The following ITGB8 variants were observed in gnomAD, a reference collection of about 807,000 sequenced individuals.
ITGB8 encodes the protein integrin beta-8.
Under a neutral mutation model 89.5 loss-of-function variants are expected in ITGB8, and 30 were observed. The observed-to-expected ratio is 0.34, with a 90% CI of 0.25 to 0.45. ITGB8 has a LOEUF of 0.45. Ranked by LOEUF, ITGB8 falls within the 20% of genes least tolerant of loss-of-function variation. The pLI, the probability that ITGB8 is intolerant of heterozygous loss-of-function variation, is 1.00. For synonymous variants in ITGB8, 335 were observed against 320.4 expected (o/e 1.05, Z -0.49); for missense variants, 836 against 933.3 (o/e 0.90, Z 1.36).
rs1785657379 is a variant in ITGB8, at chr7:20,365,452, T to A, written c.214-1560T>A. 3 of 152,314 alleles carry A rather than the reference T, an allele frequency of 2.0e-5. No homozygotes were observed. The South Asian group carries it at 6.2e-4, about 32-fold the overall frequency. 9.4% of individuals were successfully genotyped at this position (152,314 alleles called of 1,614,324 possible). ...GTTTCTAATGTTATAAACTTGCACA[T>A]ATTACCTAATCACTTTGAACCTCAG... On this transcript the variant is annotated intron_variant, in intron 2 of 13. Transcript: ENST00000222573.
At position 20,394,907 on chromosome 7, in the gene ITGB8, C is replaced by G; in HGVS notation, c.1068C>G (p.Pro356=). 1 of 1,612,294 alleles carries G rather than the reference C, an allele frequency of 6.2e-7. No individual in the cohort carries two copies. The highest frequency in any genetic ancestry group is 2.2e-5 in the East Asian group (1 of 44,852). The part of the protein sequence containing the change: ...KQFHWYKDLL[P]LLPGTIAGEI... ...GATATGTTTTATAGGATCTTCTACC[C>G]CTCTTGCCAGGCACCATTGCTGGTG... The change falls in exon 8 of 14, where the codon CCC becomes CCG. Residue 356 remains proline (P), a synonymous_variant. Coordinates refer to ENST00000222573, the MANE Select transcript of ITGB8 (RefSeq NM_002214.3).
intron 3 of ITGB8, chr7:20,377,446 T>C (rs977874804): frequency 6.6e-6 from 1 of 152,152 alleles, no homozygotes; most frequent in African/African-American, 2.4e-5. Flanking sequence ...AAGGTTCAAG[T>C]CCCTGAACAT....
At chr7:20,349,172 T>G (rs1164787386) in intron 1 of ITGB8, among the ~76,000 whole-genome samples, 1 of 152,154 alleles carries the variant, frequency 6.6e-6, no homozygotes, top group African/African-American at 2.4e-5. Flanking sequence ...AGTTCCTTTT[T>G]GTCTGAGTCT....
In ITGB8 at chr7:20,392,486, G is replaced by A. The variant is rs868814244; in HGVS notation, c.1056+988G>A. Among the ~76,000 whole-genome samples the A allele has an allele frequency of 4.6e-5, 7 of 152,032 alleles. No homozygotes were observed. The East Asian group carries it at 5.8e-4, about 13-fold the overall frequency. On this transcript the variant is annotated intron_variant, in intron 7 of 13. Transcript: ENST00000222573. ...CTTATCTGAAAGCACTACTTTAATC[G>A]TAACACTTCTTCCTTTAGAAATCTA...
chr7:20,406,254 C>A, intron 12 of ITGB8, 83 bp downstream of exon 12: 2 of 916,180 alleles, frequency 2.2e-6, no homozygotes, highest in Non-Finnish European at 3.5e-6. Flanking sequence ...ATTAACCATG[C>A]TAAAGAAAGG....
In ITGB8 at chr7:20,375,109, T is replaced by A. The variant is rs528537975; in HGVS notation, c.389-3942T>A. ...AAAACTAAACTACTAGATTCTTAACTCTTAAACCCTTCACTGGGTCAAAAG... is the reference window on the plus strand; with the variant it reads ...AAAACTAAACTACTAGATTCTTAACACTTAAACCCTTCACTGGGTCAAAAG... On this transcript the variant is annotated intron_variant, in intron 3 of 13. Transcript: ENST00000222573. Among the ~76,000 whole-genome samples, 6 of 152,258 alleles carry A rather than the reference T, an allele frequency of 3.9e-5. No homozygotes were observed. In the East Asian group the frequency reaches 1.2e-3, roughly 29 times the overall value.
In ITGB8 at chr7:20,398,178, T is replaced by C. The variant is rs374137004; in HGVS notation, c.1147-682T>C. Among the ~76,000 whole-genome samples the C allele has an allele frequency of 3.3e-5, 5 of 152,288 alleles. No homozygotes were observed. In the East Asian group the frequency reaches 9.6e-4, roughly 29 times the overall value. On this transcript the variant is annotated intron_variant, in intron 8 of 13. Coordinates refer to ENST00000222573, the MANE Select transcript of ITGB8 (RefSeq NM_002214.3). The stretch of plus-strand genomic sequence containing the variant: ...ATACATGGGTGAATAAATGAATGAA[T>C]GGTTTTCTGCCCAGTAAGAGGACCT...
intron 3 of ITGB8, among the ~76,000 whole-genome samples, chr7:20,371,849 T>A (rs2127952312): frequency 6.6e-6 from 1 of 152,356 alleles, no homozygotes; most frequent in East Asian, 1.9e-4. Context: ...TAATGTAGAT[T>A]GTTACATTAT....
chr7:20,405,482 T>G (rs1787501046), intron 11 of ITGB8, among the ~76,000 whole-genome samples: 1 of 150,678 alleles, frequency 6.6e-6, no homozygotes, highest in East Asian at 1.9e-4. Context: ...GGCTAATTTT[T>G]TTTTTTTTTG....
At position 20,363,676 on chromosome 7, in the gene ITGB8, C is replaced by T; in HGVS notation, c.167C>T (p.Ala56Val). 1 of 1,604,806 alleles carries T rather than the reference C, an allele frequency of 6.2e-7. No individual in the cohort carries two copies. Among genetic ancestry groups the T allele is most frequent in the Non-Finnish European group, 8.5e-7 (1 of 1,177,046 alleles). The change falls in exon 2 of 14, where the codon GCC (alanine) becomes GTC (valine). Residue 56 changes from alanine (A) to valine (V), a missense_variant. Ala to Val is a moderately conservative substitution (Grantham distance 64). Around this residue, in one of 5 missense-constraint regions of ITGB8, gnomAD observed 182 missense variants for 177.0 expected, o/e 1.03. Transcript: ENST00000222573. ...RCASSNAASC[A>V]RCLALGPECG... Reference sequence around the variant, plus strand: ...GCATCTTCAAATGCAGCATCCTGTGCCAGGTGCCTTGCGCTGGGTCCAGAA... The same window carrying T: ...GCATCTTCAAATGCAGCATCCTGTGTCAGGTGCCTTGCGCTGGGTCCAGAA...
At chr7:20,330,499 G>A (rs1784338272), upstream of ITGB8, among the ~76,000 whole-genome samples, 1 of 152,224 alleles carries the variant, frequency 6.6e-6, no homozygotes, top group Non-Finnish European at 1.5e-5. Flanking sequence ...TTCGGGGGAG[G>A]AGGGAGAAGG....
chr7:20,340,681 G>T (rs1447955827), intron 1 of ITGB8, among the ~76,000 whole-genome samples: 1 of 148,418 alleles, frequency 6.7e-6, no homozygotes, highest in African/African-American at 2.5e-5. Flanking sequence ...CCAGGTAAAG[G>T]CATTTTTTTT....
intron 1 of ITGB8, among the ~76,000 whole-genome samples, chr7:20,359,470 G>C (rs576915469): frequency 1.1e-3 from 174 of 152,342 alleles, no homozygotes; most frequent in Admixed American, 4.3e-3. Flanking sequence ...AGTGCTGAGG[G>C]CTGCTAGGGA....
rs1381545796 is a variant in ITGB8 at position 20,412,635 on chromosome 7, A to C, written c.*2638A>C. ...GGACAAACTTCCTTGTAGGCAACTCAGTGTTAGACGATGATTGTGGTTATG... is the reference window on the plus strand; with the variant it reads ...GGACAAACTTCCTTGTAGGCAACTCCGTGTTAGACGATGATTGTGGTTATG... On this transcript the variant is annotated 3_prime_UTR_variant, in exon 14 of 14. Coordinates refer to ENST00000222573, the MANE Select transcript of ITGB8 (RefSeq NM_002214.3). 1 of 152,604 alleles carries C rather than the reference A, an allele frequency of 6.6e-6. No homozygotes were observed. The highest frequency in any genetic ancestry group is 2.4e-5 in the African/African-American group (1 of 41,448). The allele number at this position is 152,604 out of a possible 1,614,324, so 9.5% of individuals were successfully genotyped here.
At chr7:20,332,568 A>G (rs2214440) in intron 1 of ITGB8, among the ~76,000 whole-genome samples, 39,810 of 152,074 alleles carry the variant, frequency 0.26, 6,033 homozygotes, top group Non-Finnish European at 0.34. Context: ...AAGAACTCTG[A>G]ACCAGGATTA....
intron 1 of ITGB8, among the ~76,000 whole-genome samples, chr7:20,348,471 T>G (rs1202508633): frequency 6.6e-6 from 1 of 152,244 alleles, no homozygotes; most frequent in African/African-American, 2.4e-5. Context: ...CTCTTGAATT[T>G]GTTATTTATT....
chr7:20,384,894 A>T (rs1209527893), intron 6 of ITGB8, among the ~76,000 whole-genome samples: 5 of 151,860 alleles, frequency 3.3e-5, no homozygotes, highest in Non-Finnish European at 7.4e-5. Context: ...AATAAATTAC[A>T]TTTTCCACTG....
chr7:20,385,521 G>A (rs1786573003), intron 6 of ITGB8, among the ~76,000 whole-genome samples: 1 of 152,136 alleles, frequency 6.6e-6, no homozygotes, highest in Admixed American at 6.5e-5. Flanking sequence ...CATTTGGATA[G>A]GCTAGCTGCT....
chr7:20,330,338 G>A (rs1019052767), upstream of ITGB8, among the ~76,000 whole-genome samples: 1 of 152,200 alleles, frequency 6.6e-6, no homozygotes, highest in African/African-American at 2.4e-5. Flanking sequence ...GAGGTCCCTT[G>A]ACTCCACTTT....
Sources: gnomAD v4.1 joint callset for allele counts (sites outside exome capture counted in the v4.1 genomes callset) on GRCh38, gnomAD v4.1.1 for gene constraint, gnomAD v4.1.1 regional missense constraint, MANE v1.5 for transcripts, NCBI Gene and HGNC (gene_info 2026-07-23, HGNC 2026-07-21) for gene names.